Variants in FSTL4 observed in about 807,000 individuals in gnomAD.
The protein encoded by FSTL4 is follistatin like 4.
In FSTL4, 28 loss-of-function variants were observed where a neutral mutation model predicts 78.2. That is an observed-to-expected ratio of 0.36 (90% CI 0.27 to 0.49). The LOEUF is 0.49. Among genes scored for constraint, FSTL4 ranks in the 20% least tolerant of loss-of-function variants. The pLI is 0.98. For missense variants in FSTL4, 922 were observed against 1,084.9 expected, an observed-to-expected ratio of 0.85 and a Z score of 2.11; for synonymous variants, 422 against 440.5, an observed-to-expected ratio of 0.96 and a Z score of 0.53.
the FSTL4 span, among the ~76,000 whole-genome samples, chr5:133,673,729 T>C: frequency 6.6e-6 from 1 of 152,016 alleles, no homozygotes; most frequent in Non-Finnish European, 1.5e-5. Context: ...AGGAAATAAA[T>C]AAAACATCTT....
At chr5:133,677,892 G>T in the FSTL4 span, among the ~76,000 whole-genome samples, 2 of 152,276 alleles carry the variant, frequency 1.3e-5, no homozygotes, top group South Asian at 4.1e-4. Context: ...AGCCAATAAG[G>T]TTCCCACTCT....
At chr5:133,339,638 C>T (rs752729886) in intron 4 of FSTL4, among the ~76,000 whole-genome samples, 2 of 152,192 alleles carry the variant, frequency 1.3e-5, no homozygotes, top group Non-Finnish European at 2.9e-5. Context: ...GTTGCTTCTA[C>T]TGAGACATGC....
chr5:133,501,247 G>T (rs942578036), intron 3 of FSTL4, among the ~76,000 whole-genome samples: 2 of 149,644 alleles, frequency 1.3e-5, no homozygotes, highest in African/African-American at 5.0e-5. Flanking sequence ...AGAGCAATTT[G>T]TTATATGCCT....
At chr5:133,412,492 C>T (rs974595964) in intron 3 of FSTL4, among the ~76,000 whole-genome samples, 4 of 152,066 alleles carry the variant, frequency 2.6e-5, no homozygotes, top group Non-Finnish European at 4.4e-5. Context: ...CTATTTCACA[C>T]CACACAAAAA....
At chr5:133,294,960 C>T (rs1025472503) in intron 6 of FSTL4, among the ~76,000 whole-genome samples, 1 of 152,190 alleles carries the variant, frequency 6.6e-6, no homozygotes, top group Admixed American at 6.5e-5. Flanking sequence ...TCTGCTTATA[C>T]CCGGGTAGCT....
intron 3 of FSTL4, chr5:133,458,137 A>G (rs1757527964): frequency 6.6e-6 from 1 of 152,226 alleles, no homozygotes; most frequent in Non-Finnish European, 1.5e-5. Flanking sequence ...TGAAAAATGT[A>G]TTTTAAGATC....
At chr5:133,359,590 C>T (rs1006780461) in intron 4 of FSTL4, among the ~76,000 whole-genome samples, 1 of 152,208 alleles carries the variant, frequency 6.6e-6, no homozygotes. Flanking sequence ...CAGCAATGGT[C>T]TGTATCTTGA....
At chr5:133,390,515 A>G (rs1389972999) in intron 4 of FSTL4, among the ~76,000 whole-genome samples, 2 of 152,234 alleles carry the variant, frequency 1.3e-5, no homozygotes, top group Non-Finnish European at 2.9e-5. Flanking sequence ...GCTCACCTAC[A>G]ATCAGGAAGC....
At chr5:133,362,671 G>A (rs1281300387) in intron 4 of FSTL4, among the ~76,000 whole-genome samples, 2 of 152,266 alleles carry the variant, frequency 1.3e-5, no homozygotes, top group Non-Finnish European at 2.9e-5. Context: ...TGCCCATGGA[G>A]ACTGGAAAAT....
chr5:133,497,601 C>A (rs1327679250), intron 3 of FSTL4, among the ~76,000 whole-genome samples: 3 of 152,130 alleles, frequency 2.0e-5, no homozygotes, highest in African/African-American at 7.2e-5. Flanking sequence ...GTCACGCAGG[C>A]AGACAGGGGT....
intron 4 of FSTL4, among the ~76,000 whole-genome samples, chr5:133,383,709 G>T (rs894151666): frequency 6.6e-6 from 1 of 152,176 alleles, no homozygotes; most frequent in Non-Finnish European, 1.5e-5. Context: ...CGATTTCCAG[G>T]AGTAACTAGG....
the FSTL4 span, among the ~76,000 whole-genome samples, chr5:133,690,068 CACAAACAA>C: frequency 2.0e-4 from 30 of 149,806 alleles, no homozygotes; most frequent in South Asian, 6.4e-4. Flanking sequence ...TTTCAAAACA[CACAAACAA>C]ACAAACAAAC....
At position 133,398,768 on chromosome 5, in the gene FSTL4, C is replaced by G. The variant is rs1264756915; in HGVS notation, c.409+1970G>C. ...AAGCAGAGTGATGCAACCAACACCA[C>G]ACAGCTGGGAAGTACCAGAACTGAG... On this transcript the variant is annotated intron_variant, in intron 4 of 15. Transcript: ENST00000265342. Among the ~76,000 whole-genome samples, 3 of 152,294 alleles carry G rather than the reference C, an allele frequency of 2.0e-5. No individual in the cohort carries two copies. The East Asian group carries it at 5.8e-4, about 29-fold the overall frequency.
chr5:133,489,467 T>G (rs1758213082), intron 3 of FSTL4, among the ~76,000 whole-genome samples: 1 of 152,234 alleles, frequency 6.6e-6, no homozygotes, highest in Non-Finnish European at 1.5e-5. Flanking sequence ...GCTTCCATTT[T>G]TCAAGTGAGA....
intron 3 of FSTL4, among the ~76,000 whole-genome samples, chr5:133,499,764 T>G (rs1758450940): frequency 6.6e-6 from 1 of 152,166 alleles, no homozygotes; most frequent in Non-Finnish European, 1.5e-5. Context: ...TTGAAGTCCT[T>G]GAGGCAGCAA....
chr5:133,547,668 A>C lies in FSTL4; in HGVS notation c.160+19518T>G, dbSNP rs79610622. 1.1e-3 allele frequency among the ~76,000 whole-genome samples: 166 copies of C among 152,274 alleles called. 3 individuals are homozygous for C. In the East Asian group the frequency reaches 0.031, roughly 28 times the overall value. On this transcript the variant is annotated intron_variant, in intron 3 of 15. Transcript: ENST00000265342. Reference sequence around the variant, plus strand: ...ATTACCACAAAAGCGAGTTGCTATAAAGTGAGGCTGTCCTTGCATTTGCCC... The same window carrying C: ...ATTACCACAAAAGCGAGTTGCTATACAGTGAGGCTGTCCTTGCATTTGCCC...
chr5:133,366,192 G>A (rs1371395759), intron 4 of FSTL4, among the ~76,000 whole-genome samples: 1 of 152,182 alleles, frequency 6.6e-6, no homozygotes, highest in African/African-American at 2.4e-5. Context: ...CTGAGCCTTG[G>A]TGTGGGTCTC....
intron 6 of FSTL4, among the ~76,000 whole-genome samples, chr5:133,284,425 C>T (rs536146685): frequency 6.6e-6 from 1 of 152,340 alleles, no homozygotes; most frequent in East Asian, 1.9e-4. Flanking sequence ...CCCCTCAGGG[C>T]AGAAGTGGGA....
intron 2 of FSTL4, among the ~76,000 whole-genome samples, chr5:133,594,440 G>A (rs1033253644): frequency 4.6e-5 from 7 of 152,178 alleles, no homozygotes; most frequent in Non-Finnish European, 7.4e-5. Flanking sequence ...TGATCTGACC[G>A]CCTTGGCCTC....
Sources: gnomAD v4.1 joint callset for allele counts (sites outside exome capture counted in the v4.1 genomes callset) on GRCh38, gnomAD v4.1.1 for gene constraint, MANE v1.5 for transcripts, NCBI Gene and HGNC (gene_info 2026-07-23, HGNC 2026-07-21) for gene names.